Variants in RIT2 observed in about 807,000 individuals in gnomAD.
RIT2 encodes the protein GTP-binding protein Rit2.
Under a neutral mutation model 23.7 loss-of-function variants are expected in RIT2, and 24 were observed. The observed-to-expected ratio is 1.01, with a 90% confidence interval of 0.73 to 1.43. The LOEUF is 1.43. RIT2 is among the 40% of genes most tolerant of loss of function. The probability of loss-of-function intolerance (pLI) is 0.00; values close to 1 mark genes in which losing one functional copy is unlikely to be tolerated. For missense variants in RIT2, 236 were observed against 266.9 expected, an observed-to-expected ratio of 0.88 and a Z score of 0.81; for synonymous variants, 107 against 91.1, an observed-to-expected ratio of 1.17 and a Z score of -0.99.
chr18:42,816,990 A>G (rs1906016591), intron 4 of RIT2, among the ~76,000 whole-genome samples: 1 of 152,194 alleles, frequency 6.6e-6, no homozygotes, highest in Non-Finnish European at 1.5e-5. Flanking sequence ...GAGAATCTGC[A>G]TTCCCAACAA....
intron 4 of RIT2, among the ~76,000 whole-genome samples, chr18:42,875,618 T>C (rs1907726170): frequency 6.6e-6 from 1 of 152,064 alleles, no homozygotes. Flanking sequence ...AAGCATGTTT[T>C]AGGAGTTTTG....
At chr18:42,973,635 T>C (rs764257831) in intron 3 of RIT2, among the ~76,000 whole-genome samples, 4 of 151,850 alleles carry the variant, frequency 2.6e-5, no homozygotes, top group Non-Finnish European at 5.9e-5. Flanking sequence ...CAAACTAACA[T>C]AGTAGACCAT....
At chr18:42,838,950 T>G (rs1436817732) in intron 4 of RIT2, among the ~76,000 whole-genome samples, 2 of 152,182 alleles carry the variant, frequency 1.3e-5, no homozygotes, top group African/African-American at 4.8e-5. Flanking sequence ...AGCCTCACCT[T>G]GCAGAGCAAC....
intron 2 of RIT2, among the ~76,000 whole-genome samples, chr18:43,003,569 C>A (rs994195522): frequency 6.6e-6 from 1 of 151,800 alleles, no homozygotes; most frequent in African/African-American, 2.4e-5. Flanking sequence ...ACATCTATTT[C>A]TTGACTTCTA....
rs570626072 is a variant in RIT2 at position 43,055,244 on chromosome 18, G to T, written c.104-21377C>A. On this transcript the variant is annotated intron_variant, in intron 1 of 4. Coordinates refer to ENST00000326695, the MANE Select transcript of RIT2 (RefSeq NM_002930.4). ...AATTGAGAACTAGCCATATTCTTAC[G>T]AAGAAAAGCTGTGTAAGCAGCATAA... 6.6e-5 allele frequency among the ~76,000 whole-genome samples: 10 copies of T among 152,214 alleles called. No homozygotes were observed. In the East Asian group the frequency reaches 1.9e-3, roughly 29 times the overall value.
At chr18:42,794,791 A>C (rs1180822081) in intron 4 of RIT2, among the ~76,000 whole-genome samples, 1 of 152,190 alleles carries the variant, frequency 6.6e-6, no homozygotes, top group Non-Finnish European at 1.5e-5. Flanking sequence ...TATTTATCAA[A>C]AGAGGAATGA....
chr18:42,966,548 G>T (rs1466272246), intron 3 of RIT2, among the ~76,000 whole-genome samples: 1 of 151,990 alleles, frequency 6.6e-6, no homozygotes. Flanking sequence ...GAGCAATTAG[G>T]TTCATAAAGC....
At chr18:43,006,911 A>G (rs1911241315) in intron 2 of RIT2, among the ~76,000 whole-genome samples, 1 of 151,478 alleles carries the variant, frequency 6.6e-6, no homozygotes. Context: ...AGAATGCTTT[A>G]TACAATTATT....
At chr18:43,033,203 G>A (rs547106405) in intron 2 of RIT2, among the ~76,000 whole-genome samples, 1 of 152,208 alleles carries the variant, frequency 6.6e-6, no homozygotes, top group Non-Finnish European at 1.5e-5. Flanking sequence ...TGCTTTGAAT[G>A]AGGGAGAAAA....
chr18:42,918,516 C>T (rs887872270), intron 4 of RIT2, among the ~76,000 whole-genome samples: 1 of 152,044 alleles, frequency 6.6e-6, no homozygotes, highest in African/African-American at 2.4e-5. Context: ...AAGCCCTCAT[C>T]ATTTGGAAAA....
At chr18:42,813,596 A>C (rs1905911147) in intron 4 of RIT2, among the ~76,000 whole-genome samples, 1 of 152,224 alleles carries the variant, frequency 6.6e-6, no homozygotes, top group Non-Finnish European at 1.5e-5. Flanking sequence ...CTCTTTAAAA[A>C]GATGCTATGT....
Position 42,745,591 on chromosome 18 carries a change from T to C in RIT2, c.427-1871A>G, listed in dbSNP as rs577512946. ...CTTATTTTATTTTTTTCATTCCTACTGGTAAACATGCCAATTTTTTTTAGC... is the reference window on the plus strand; with the variant it reads ...CTTATTTTATTTTTTTCATTCCTACCGGTAAACATGCCAATTTTTTTTAGC... On this transcript the variant is annotated intron_variant, in intron 4 of 4. Coordinates refer to ENST00000326695, the MANE Select transcript of RIT2 (RefSeq NM_002930.4). Among the ~76,000 whole-genome samples, 6 of 152,304 alleles carry C rather than the reference T, an allele frequency of 3.9e-5. No homozygotes were observed. The South Asian group carries it at 1.2e-3, about 32-fold the overall frequency.
At chr18:43,043,106 GA>G (rs1382190645) in intron 1 of RIT2, among the ~76,000 whole-genome samples, 1 of 151,988 alleles carries the variant, frequency 6.6e-6, no homozygotes, top group Non-Finnish European at 1.5e-5. Flanking sequence ...AAATAAGGCA[GA>G]AATTATATCT....
intron 1 of RIT2, among the ~76,000 whole-genome samples, chr18:43,103,343 C>T (rs115531661): frequency 9.3e-4 from 142 of 152,174 alleles, no homozygotes; most frequent in African/African-American, 3.2e-3. Context: ...ATAAGTATCA[C>T]GGGAAAAGAA....
intron 4 of RIT2, among the ~76,000 whole-genome samples, chr18:42,763,803 T>C (rs1457105093): frequency 1.3e-5 from 2 of 152,192 alleles, no homozygotes; most frequent in Non-Finnish European, 2.9e-5. Flanking sequence ...TTCTTCTATT[T>C]TAAGTTTTTT....
At chr18:42,946,323 G>T (rs1022135688) in intron 3 of RIT2, among the ~76,000 whole-genome samples, 1 of 151,940 alleles carries the variant, frequency 6.6e-6, no homozygotes, top group African/African-American at 2.4e-5. Context: ...AAAACCACAC[G>T]TTTAAAATCA....
chr18:43,009,671 A>C lies in RIT2; in HGVS notation c.160+24140T>G, dbSNP rs142835560. Among the ~76,000 whole-genome samples, 669 of 151,806 alleles carry C rather than the reference A, an allele frequency of 4.4e-3. 3 individuals are homozygous for C. Among genetic ancestry groups the C allele is most frequent in the African/African-American group, 0.015 (632 of 41,488 alleles). On this transcript the variant is annotated intron_variant, in intron 2 of 4. Transcript: ENST00000326695. ...GCATCATTGGATGCCATTTTTAACC[A>C]GACTAAATCTTATGAAAATTTATGT...
chr18:43,042,883 A>T (rs1912161031), intron 1 of RIT2, among the ~76,000 whole-genome samples: 1 of 152,200 alleles, frequency 6.6e-6, no homozygotes, highest in African/African-American at 2.4e-5. Flanking sequence ...TAAAATAAAC[A>T]TTTATTATGG....
At chr18:42,886,316 T>C (rs994494043) in intron 4 of RIT2, among the ~76,000 whole-genome samples, 1 of 152,094 alleles carries the variant, frequency 6.6e-6, no homozygotes, top group Non-Finnish European at 1.5e-5. Context: ...AATAACAATA[T>C]AAATGAGCAT....
Sources: gnomAD v4.1 joint callset for allele counts (sites outside exome capture counted in the v4.1 genomes callset) on GRCh38, gnomAD v4.1.1 for gene constraint, MANE v1.5 for transcripts, NCBI Gene and HGNC (gene_info 2026-07-23, HGNC 2026-07-21) for gene names.